CCNJL: variants seen among roughly 807,000 people sequenced by gnomAD.
CCNJL encodes cyclin-J-like protein.
A neutral mutation model predicts 33.4 loss-of-function variants in CCNJL; 33 were observed. That is an observed-to-expected ratio of 0.99 (90% CI 0.75 to 1.32). CCNJL has a LOEUF of 1.32. Among genes scored for constraint, CCNJL ranks in the 40% most tolerant of loss-of-function variants. CCNJL has a pLI of 0.00. For synonymous variants in CCNJL, 227 were observed against 220.9 expected, an observed-to-expected ratio of 1.03 and a Z score of -0.24; for missense variants, 512 against 499.7, an observed-to-expected ratio of 1.02 and a Z score of -0.23.
chr5:160,331,940 T>C (rs1763612891), intron 1 of CCNJL, among the ~76,000 whole-genome samples: 2 of 152,178 alleles, frequency 1.3e-5, no homozygotes, highest in Admixed American at 1.3e-4. Flanking sequence ...TCAGAGCTAC[T>C]CAATCATAAT....
At chr5:160,294,130 G>T (rs893357101) in intron 2 of CCNJL, among the ~76,000 whole-genome samples, 1 of 152,178 alleles carries the variant, frequency 6.6e-6, no homozygotes, top group African/African-American at 2.4e-5. Flanking sequence ...GCAAAGAAAG[G>T]GGGAGAAAGG....
intron 3 of CCNJL, among the ~76,000 whole-genome samples, chr5:160,273,483 A>G (rs769885952): frequency 6.6e-6 from 1 of 152,104 alleles, no homozygotes; most frequent in Non-Finnish European, 1.5e-5. Flanking sequence ...AAAATGTGGC[A>G]CTAAGTCCAC....
At chr5:160,330,680 T>C (rs930572117) in intron 1 of CCNJL, among the ~76,000 whole-genome samples, 5 of 151,240 alleles carry the variant, frequency 3.3e-5, no homozygotes, top group Non-Finnish European at 7.4e-5. Context: ...CTTTTTTTTT[T>C]TGAGACAGAG....
At chr5:160,333,981 A>G (rs141896007) in intron 1 of CCNJL, among the ~76,000 whole-genome samples, 47 of 152,160 alleles carry the variant, frequency 3.1e-4, no homozygotes, top group Non-Finnish European at 5.4e-4. Flanking sequence ...TTAAAGTCCT[A>G]TCCAACAATC....
At chr5:160,339,019 C>G (rs751745879) in intron 1 of CCNJL, among the ~76,000 whole-genome samples, 17 of 152,060 alleles carry the variant, frequency 1.1e-4, no homozygotes, top group Admixed American at 3.3e-4. Flanking sequence ...GAACTCCTGA[C>G]CTTGTGATCC....
chr5:160,305,392 A>C (rs779988479), intron 2 of CCNJL, among the ~76,000 whole-genome samples: 3 of 152,204 alleles, frequency 2.0e-5, no homozygotes, highest in Non-Finnish European at 4.4e-5. Context: ...GCAATGGCAG[A>C]GGCCAAATCA....
chr5:160,335,849 G>A (rs925459396), intron 1 of CCNJL, among the ~76,000 whole-genome samples: 13 of 150,352 alleles, frequency 8.6e-5, no homozygotes, highest in African/African-American at 2.9e-4. Context: ...TTCCCAAAGT[G>A]CTAGAATTAC....
At chr5:160,284,942 C>T (rs1012163401) in intron 2 of CCNJL, among the ~76,000 whole-genome samples, 5 of 151,616 alleles carry the variant, frequency 3.3e-5, no homozygotes, top group Admixed American at 6.6e-5. Context: ...TCATGGAGCT[C>T]GGCTGGGCAC....
chr5:160,302,814 T>C (rs75769341), intron 2 of CCNJL, among the ~76,000 whole-genome samples: 1 of 143,466 alleles, frequency 7.0e-6, no homozygotes, highest in Non-Finnish European at 1.5e-5. Flanking sequence ...TCTGTCTCAA[T>C]AAAAAAAAAA....
At chr5:160,256,149 A>G (rs1301000911) in intron 4 of CCNJL, among the ~76,000 whole-genome samples, 1 of 152,148 alleles carries the variant, frequency 6.6e-6, no homozygotes, top group Non-Finnish European at 1.5e-5. Flanking sequence ...TCAGCCTCCC[A>G]AAGTGCTGGG....
At chr5:160,257,143 C>T (rs183900929) in intron 4 of CCNJL, among the ~76,000 whole-genome samples, 221 of 151,962 alleles carry the variant, frequency 1.5e-3, no homozygotes, top group African/African-American at 4.9e-3. Flanking sequence ...GAGTTTGAGA[C>T]GAGCCTGAGC....
chr5:160,313,306 T>C (rs1763334145), upstream of CCNJL, among the ~76,000 whole-genome samples: 1 of 152,204 alleles, frequency 6.6e-6, no homozygotes. Context: ...GTTTTGGAGA[T>C]TCACAAATTT....
chr5:160,249,566 C>CTCAGG lies in CCNJL; in HGVS notation c.*3811_*3812insCCTGA, dbSNP rs1760751228. ...TTGCTTGAGCTCAGGAGTCTGAGACCAGCCTGGACAACATGGTGAAACCTC... is the reference window on the plus strand; with the variant it reads ...TTGCTTGAGCTCAGGAGTCTGAGACCTCAGGAGCCTGGACAACATGGTGAAACCTC... On this transcript the variant is annotated 3_prime_UTR_variant, in exon 6 of 6. Coordinates refer to ENST00000257536, the MANE Select transcript of CCNJL (RefSeq NM_001308173.3). 1 of 152,070 alleles carries CTCAGG rather than the reference C, an allele frequency of 6.6e-6. No individual in the cohort carries two copies. Among genetic ancestry groups the CTCAGG allele is most frequent in the Non-Finnish European group, 1.5e-5 (1 of 68,036 alleles). The allele number at this position is 152,070 out of a possible 1,614,324, so 9.4% of individuals were successfully genotyped here.
rs1322876997 is a variant in CCNJL, at chr5:160,253,216, T to C, written c.*162A>G. 6 of 572,648 alleles carry C rather than the reference T, an allele frequency of 1.0e-5. No individual in the cohort carries two copies. Among genetic ancestry groups the C allele is most frequent in the African/African-American group, 1.9e-5 (1 of 53,142 alleles). The allele number at this position is 572,648 out of a possible 1,614,324, so 35.5% of individuals were successfully genotyped here. On this transcript the variant is annotated 3_prime_UTR_variant, in exon 6 of 6. Transcript: ENST00000257536. ...CTCGGGTGAGGTATGTTATTGAATG[T>C]TTTGCTCTGGGTCAGTTTTATTTAA...
At chr5:160,315,508 GAAAACA>G (rs1293092175), upstream of CCNJL, 26 of 342,744 alleles carry the variant, frequency 7.6e-5, no homozygotes, top group South Asian at 1.2e-4. Flanking sequence ...CACTGCCTCT[GAAAACA>G]AAAACAAAAA....
At chr5:160,318,596 CATAA>C (rs1763404962) in intron 1 of CCNJL, among the ~76,000 whole-genome samples, 1 of 152,214 alleles carries the variant, frequency 6.6e-6, no homozygotes, top group Admixed American at 6.5e-5. Flanking sequence ...TGTATTATGA[CATAA>C]ATAGAAAGGG....
At chr5:160,257,344 G>A (rs1308068412) in intron 4 of CCNJL, among the ~76,000 whole-genome samples, 2 of 151,814 alleles carry the variant, frequency 1.3e-5, no homozygotes, top group East Asian at 1.9e-4. Flanking sequence ...GCGTGGTGGC[G>A]GGCGCCTGTA....
chr5:160,338,319 G>T (rs1414688938), intron 1 of CCNJL, among the ~76,000 whole-genome samples: 2 of 152,132 alleles, frequency 1.3e-5, no homozygotes, highest in Admixed American at 6.5e-5. Flanking sequence ...AGAATCTTGA[G>T]CCCAGAGAAG....
intron 2 of CCNJL, among the ~76,000 whole-genome samples, chr5:160,289,445 GCTTC>G (rs1402862899): frequency 6.6e-6 from 1 of 151,992 alleles, no homozygotes; most frequent in Non-Finnish European, 1.5e-5. Context: ...ATCTACCCTG[GCTTC>G]CTTCCTTAGG....
Sources: gnomAD v4.1 joint callset for allele counts (sites outside exome capture counted in the v4.1 genomes callset) on GRCh38, gnomAD v4.1.1 for gene constraint, MANE v1.5 for transcripts, NCBI Gene and HGNC (gene_info 2026-07-23, HGNC 2026-07-21) for gene names.